The following ARHGAP10 variants were observed in gnomAD, a reference collection of about 807,000 sequenced individuals.
ARHGAP10 encodes the protein rho GTPase-activating protein 10.
Under a neutral mutation model 108.6 loss-of-function variants are expected in ARHGAP10, and 87 were observed. The observed-to-expected ratio is 0.80, with a 90% CI of 0.67 to 0.96. The LOEUF is 0.96. ARHGAP10 is among the 40% of genes least tolerant of loss of function. The pLI, the probability that ARHGAP10 is intolerant of heterozygous loss-of-function variation, is 0.00. For synonymous variants in ARHGAP10, 347 were observed against 341.1 expected, an observed-to-expected ratio of 1.02 and a Z score of -0.19; for missense variants, 939 against 954.5, an observed-to-expected ratio of 0.98 and a Z score of 0.21.
intron 1 of ARHGAP10, among the ~76,000 whole-genome samples, chr4:147,741,553 G>A (rs929076736): frequency 6.6e-6 from 1 of 152,134 alleles, no homozygotes; most frequent in African/African-American, 2.4e-5. Context: ...TTTTCAGGCA[G>A]GGACTGGATG....
intron 17 of ARHGAP10, among the ~76,000 whole-genome samples, chr4:147,966,160 T>C (rs1198598106): frequency 6.6e-6 from 1 of 152,208 alleles, no homozygotes; most frequent in Non-Finnish European, 1.5e-5. Flanking sequence ...AAGTATAATA[T>C]TCTGGGGAAA....
At chr4:147,969,513 CA>C (rs986956951) in intron 18 of ARHGAP10, among the ~76,000 whole-genome samples, 3 of 152,014 alleles carry the variant, frequency 2.0e-5, no homozygotes, top group African/African-American at 7.2e-5. Context: ...TACAGTAGCT[CA>C]ACAATCATTT....
intron 18 of ARHGAP10, among the ~76,000 whole-genome samples, chr4:147,996,547 C>T (rs1215843849): frequency 2.0e-5 from 3 of 152,164 alleles, no homozygotes; most frequent in African/African-American, 4.8e-5. Context: ...CTGTTGGAAT[C>T]GTGTACAGCC....
At chr4:147,963,258 G>C (rs1656750488) in intron 16 of ARHGAP10, among the ~76,000 whole-genome samples, 1 of 152,114 alleles carries the variant, frequency 6.6e-6, no homozygotes, top group Non-Finnish European at 1.5e-5. Context: ...GCTATTTACT[G>C]AATTTGGAAT....
chr4:147,877,862 GC>G (rs995821223), intron 8 of ARHGAP10, among the ~76,000 whole-genome samples: 26 of 147,720 alleles, frequency 1.8e-4, no homozygotes, highest in African/African-American at 6.0e-4. Flanking sequence ...GAGCCACGAG[GC>G]CCAGCCATTC....
At chr4:147,801,429 ATAAT>A (rs1731577977) in intron 1 of ARHGAP10, among the ~76,000 whole-genome samples, 1 of 152,258 alleles carries the variant, frequency 6.6e-6, no homozygotes, top group African/African-American at 2.4e-5. Flanking sequence ...AACACACAAA[ATAAT>A]TTATATATCA....
intron 10 of ARHGAP10, among the ~76,000 whole-genome samples, chr4:147,889,046 C>CTAA (rs1735685088): frequency 6.6e-6 from 1 of 152,148 alleles, no homozygotes; most frequent in Non-Finnish European, 1.5e-5. Flanking sequence ...ACATGTAATG[C>CTAA]TTTATACATG....
At chr4:147,817,970 C>A (rs1732322140) in intron 1 of ARHGAP10, among the ~76,000 whole-genome samples, 1 of 152,076 alleles carries the variant, frequency 6.6e-6, no homozygotes. Context: ...GAGATCTGGG[C>A]AAAAGGACCT....
At chr4:147,752,772 C>A (rs965452693) in intron 1 of ARHGAP10, among the ~76,000 whole-genome samples, 7 of 152,210 alleles carry the variant, frequency 4.6e-5, no homozygotes, top group African/African-American at 1.7e-4. Flanking sequence ...AGTGATCCTC[C>A]CACCTTGGCC....
intron 13 of ARHGAP10, among the ~76,000 whole-genome samples, chr4:147,924,544 A>G (rs1402968724): frequency 6.6e-6 from 1 of 152,198 alleles, no homozygotes; most frequent in African/African-American, 2.4e-5. Flanking sequence ...TATATTTTCA[A>G]GTAGTGCTGA....
At chr4:148,067,172 T>C (rs1440584698) in intron 22 of ARHGAP10, among the ~76,000 whole-genome samples, 1 of 152,254 alleles carries the variant, frequency 6.6e-6, no homozygotes, top group Non-Finnish European at 1.5e-5. Flanking sequence ...CTGATTCTTT[T>C]GCAGCAGGGC....
intron 18 of ARHGAP10, among the ~76,000 whole-genome samples, chr4:148,000,767 TG>T (rs1226365413): frequency 6.6e-6 from 1 of 152,206 alleles, no homozygotes; most frequent in Non-Finnish European, 1.5e-5. Flanking sequence ...CGCTTTGTGA[TG>T]GGGTTGTTTG....
At position 148,006,977 on chromosome 4, in the gene ARHGAP10, A is replaced by C. The variant is rs537317563; in HGVS notation, c.1717-16286A>C. The stretch of plus-strand genomic sequence containing the variant: ...CACTCAGCAGTACTATACTACCTGG[A>C]TAGCTTTTCTTGATTTACATATTTT... On this transcript the variant is annotated intron_variant, in intron 18 of 22. Coordinates refer to ENST00000336498, the MANE Select transcript of ARHGAP10 (RefSeq NM_024605.4). 1.6e-4 allele frequency among the ~76,000 whole-genome samples: 25 copies of C among 152,278 alleles called. 1 individual carries two copies. The East Asian group carries it at 4.4e-3, about 27-fold the overall frequency.
intron 15 of ARHGAP10, among the ~76,000 whole-genome samples, chr4:147,949,864 G>A (rs1560840926): frequency 6.6e-6 from 1 of 152,084 alleles, no homozygotes; most frequent in African/African-American, 2.4e-5. Flanking sequence ...ATTCCGTATG[G>A]TTCTTTTCTT....
chr4:147,749,322 C>A (rs907953156), intron 1 of ARHGAP10, among the ~76,000 whole-genome samples: 4 of 152,124 alleles, frequency 2.6e-5, no homozygotes, highest in Non-Finnish European at 5.9e-5. Context: ...ATTTATAACA[C>A]CTTAGCTTGT....
intron 10 of ARHGAP10, among the ~76,000 whole-genome samples, chr4:147,905,379 G>A (rs1264902630): frequency 1.4e-5 from 2 of 145,216 alleles, no homozygotes; most frequent in Non-Finnish European, 3.0e-5. Flanking sequence ...TAACATTTAA[G>A]TCTTTAATCC....
At chr4:147,976,424 A>C (rs543067932) in intron 18 of ARHGAP10, among the ~76,000 whole-genome samples, 1 of 152,324 alleles carries the variant, frequency 6.6e-6, no homozygotes, top group Admixed American at 6.5e-5. Context: ...TTCAGTGTAG[A>C]AGTCAAAATC....
At chr4:147,952,767 T>C (rs1489245017) in intron 15 of ARHGAP10, among the ~76,000 whole-genome samples, 4 of 152,112 alleles carry the variant, frequency 2.6e-5, no homozygotes, top group Admixed American at 2.6e-4. Flanking sequence ...TGAAGTCTAG[T>C]TCATCAGTTT....
intron 1 of ARHGAP10, among the ~76,000 whole-genome samples, chr4:147,742,476 CT>C (rs11420720): frequency 0.042 from 3,587 of 86,252 alleles, 40 homozygotes; most frequent in Middle Eastern, 0.13. Context: ...TCTGTGAACA[CT>C]TTTTTTTTTT....
Sources: allele counts gnomAD v4.1 joint callset (sites outside exome capture counted in the v4.1 genomes callset), GRCh38; gene constraint gnomAD v4.1.1; transcripts MANE v1.5; gene names NCBI Gene and HGNC (gene_info 2026-07-23, HGNC 2026-07-21).